Variants in CHD8 observed in about 807,000 individuals in gnomAD.
CHD8 encodes chromodomain helicase DNA binding protein 8, also known as ATP-dependent chromatin remodeler CHD8.
In CHD8, 31 loss-of-function variants were observed where a neutral mutation model predicts 279.2. The ratio of observed to expected loss-of-function variants is 0.11; its 90% CI spans 0.08 to 0.15. The LOEUF is 0.15. Ranked by LOEUF, CHD8 falls within the 10% of genes least tolerant of loss-of-function variation. The pLI is 1.00. For synonymous variants in CHD8, 1,081 were observed against 1,139.6 expected (o/e 0.95, Z 1.04); for missense variants, 2,146 against 3,230.5 (o/e 0.66, Z 8.14).
In CHD8 at chr14:21,385,649, T is replaced by A. The variant is rs1319598351; in HGVS notation, c.7710A>T (p.Pro2570=). 3.2e-6 allele frequency: 5 copies of A among 1,551,934 alleles called. No individual in the cohort carries two copies. The change falls in exon 38 of 38, where the codon CCA becomes CCT. Residue 2570 remains proline (P), a synonymous_variant. Transcript: ENST00000646647. ...DFSLIDDPMM[P]ANSDSSEDAD... ...CATCTTCACTGGAGTCTGAGTTAGC[T>A]GGCATCATAGGATCATCAATGAGTG...
chr14:21,453,579 G>A (rs1360377934), intron 1 of CHD8, among the ~76,000 whole-genome samples: 7 of 151,880 alleles, frequency 4.6e-5, no homozygotes, highest in Admixed American at 2.0e-4. Flanking sequence ...CAGGTCATGC[G>A]AAGACCTGCA....
chr14:21,434,491 A>AT (rs33999210), intron 1 of CHD8, among the ~76,000 whole-genome samples: 203 of 145,214 alleles, frequency 1.4e-3, no homozygotes, highest in African/African-American at 3.5e-3. Flanking sequence ...TTAGGCCCAG[A>AT]TTTTTTTTTT....
chr14:21,447,495 C>T (rs1890156176), intron 1 of CHD8, among the ~76,000 whole-genome samples: 1 of 151,984 alleles, frequency 6.6e-6, no homozygotes, highest in Non-Finnish European at 1.5e-5. Context: ...CTTCAGCCTC[C>T]TGAGTAGCTG....
chr14:21,415,544 A>T (rs1888683788), intron 7 of CHD8, 30 bp downstream of exon 7: 2 of 1,018,824 alleles, frequency 2.0e-6, no homozygotes, highest in Non-Finnish European at 1.3e-6. Flanking sequence ...TAAATAAATA[A>T]AAATAATAAT....
At chr14:21,442,363 G>A (rs1412172743) in intron 1 of CHD8, among the ~76,000 whole-genome samples, 2 of 152,166 alleles carry the variant, frequency 1.3e-5, no homozygotes, top group Non-Finnish European at 1.5e-5. Flanking sequence ...TGCTTTCAGG[G>A]CTGAGGCAGG....
At chr14:21,442,074 G>A (rs1384187801) in intron 1 of CHD8, among the ~76,000 whole-genome samples, 2 of 152,184 alleles carry the variant, frequency 1.3e-5, no homozygotes, top group Non-Finnish European at 1.5e-5. Flanking sequence ...AATGTGAAGA[G>A]CAGGTCAAGG....
At position 21,402,288 on chromosome 14, in the gene CHD8, T is replaced by C. The variant is rs1322946574; in HGVS notation, c.3882+48A>G. On this transcript the variant is annotated intron_variant, in intron 19 of 37. Transcript: ENST00000646647. This position sits in a 1 kb window ranked among gnomAD's most constrained non-coding sequence, Gnocchi z 4.5. The stretch of plus-strand genomic sequence containing the variant: ...TGTACAAATAGCTTTTGTTTCCCTC[T>C]ATCACAATGATCTACTACAAACTTA... 5 of 1,600,266 alleles carry C rather than the reference T, an allele frequency of 3.1e-6. No individual in the cohort carries two copies. Among genetic ancestry groups the C allele is most frequent in the South Asian group, 1.1e-5 (1 of 90,784 alleles).
At position 21,395,064 on chromosome 14, in the gene CHD8, T is replaced by C. The variant is rs769651644; in HGVS notation, c.5238A>G (p.Thr1746=). Residue 1746 remains threonine (T), a synonymous_variant, in exon 30 of 38, where the codon ACA becomes ACG. Coordinates refer to ENST00000646647, the MANE Select transcript of CHD8 (RefSeq NM_001170629.2). ...HLFWPPGSAL[T]ARLRRLVTAY... is the part of the protein sequence containing the mutation. ...CTGTTACTAGACGCCGAAGCCTAGCTGTTAGGGCAGAGCCCGGAGGCCAGA... is the reference window on the plus strand; with the variant it reads ...CTGTTACTAGACGCCGAAGCCTAGCCGTTAGGGCAGAGCCCGGAGGCCAGA... 13 of 1,613,908 alleles carry C rather than the reference T, an allele frequency of 8.1e-6. No individual in the cohort carries two copies.
chr14:21,394,730 T>C, intron 30 of CHD8, 182 bp downstream of exon 30: 1 of 658,400 alleles, frequency 1.5e-6, no homozygotes. Context: ...ACAGGAGACC[T>C]ACCTGAGAGT....
chr14:21,392,573 C>T lies in CHD8; in HGVS notation c.6705G>A (p.Ala2235=), dbSNP rs1318397540. 7.4e-6 allele frequency: 12 copies of T among 1,613,500 alleles called. No individual in the cohort carries two copies. Among genetic ancestry groups the T allele is most frequent in the Non-Finnish European group, 1.0e-5 (12 of 1,179,894 alleles). Residue 2235 remains alanine (A), a synonymous_variant, in exon 34 of 38, where the codon GCG becomes GCA. Coordinates refer to ENST00000646647, the MANE Select transcript of CHD8 (RefSeq NM_001170629.2). Reference sequence around the variant, plus strand: ...GGCGAAGTTTGGTGAACTGGGCTGCCGCTGTGCTGACTGCAGATGCTTCCT... The same window carrying T: ...GGCGAAGTTTGGTGAACTGGGCTGCTGCTGTGCTGACTGCAGATGCTTCCT... ...AEEEASAVST[A]AAQFTKLRRG...
chr14:21,397,729 T>C, intron 27 of CHD8, 94 bp downstream of exon 27: 1 of 1,304,718 alleles, frequency 7.7e-7, no homozygotes, highest in Non-Finnish European at 1.1e-6. Context: ...CTTTTGAGTA[T>C]AATTACAATT....
intron 5 of CHD8, 73 bp downstream of exon 5, chr14:21,426,055 C>A: frequency 1.1e-6 from 1 of 890,884 alleles, no homozygotes; most frequent in Non-Finnish European, 1.8e-6. Flanking sequence ...TACGATTTCT[C>A]AATATCTGCT....
chr14:21,391,604 A>G lies in CHD8; in HGVS notation c.6924T>C (p.Asp2308=). The G allele has an allele frequency of 1.2e-6, 2 of 1,609,668 alleles. No individual in the cohort carries two copies. Among genetic ancestry groups the G allele is most frequent in the Non-Finnish European group, 1.7e-6 (2 of 1,177,822 alleles). ...VECMEEPNHL[D]VDLETRIPVI... The stretch of plus-strand genomic sequence containing the variant: ...CAGGGATCCGGGTCTCCAGGTCCAC[A>G]TCAAGGTGATTAGGCTCTTCCATGC... The change falls in exon 36 of 38, where the codon GAT becomes GAC. Residue 2308 remains aspartate, a synonymous_variant. Coordinates refer to ENST00000646647, the MANE Select transcript of CHD8 (RefSeq NM_001170629.2).
In CHD8 at chr14:21,440,497, G is replaced by A. The variant is rs139472065; in HGVS notation, c.-215-8639C>T. On this transcript the variant is annotated intron_variant, in intron 1 of 37. Coordinates refer to ENST00000646647, the MANE Select transcript of CHD8 (RefSeq NM_001170629.2). ...GCTGAGATTACAGGTGTGAGCCACC[G>A]CATCCAGCCAAGAAAATAGTTTCTT... 3.0e-3 allele frequency among the ~76,000 whole-genome samples: 453 copies of A among 152,212 alleles called. 3 individuals carry two copies. The highest frequency in any genetic ancestry group is 0.01 in the African/African-American group (423 of 41,530).
chr14:21,418,677 G>T (rs147331767), intron 5 of CHD8, among the ~76,000 whole-genome samples: 1 of 152,086 alleles, frequency 6.6e-6, no homozygotes, highest in Non-Finnish European at 1.5e-5. Context: ...TTAGCTGGGC[G>T]TGGTGGCAGG....
chr14:21,386,195 A>T lies in CHD8; in HGVS notation c.7183-19T>A. 1.3e-6 allele frequency: 2 copies of T among 1,530,472 alleles called. No individual in the cohort carries two copies. The highest frequency in any genetic ancestry group is 1.8e-6 in the Non-Finnish European group (2 of 1,137,252). The allele number at this position is 1,530,472 out of a possible 1,614,324, so 94.8% of individuals were successfully genotyped here. A position where few individuals can be genotyped will look rare whatever the true frequency, so the allele number is the denominator to read the frequency against. On this transcript the variant is annotated intron_variant, in intron 37 of 37. Coordinates refer to ENST00000646647, the MANE Select transcript of CHD8 (RefSeq NM_001170629.2). ...GATGACCCTAGGAGGAGGGAATAGA[A>T]GATAATAAAAAGAAAGAAAGGGGAA...
At position 21,399,695 on chromosome 14, in the gene CHD8, T is replaced by C; in HGVS notation, c.4828A>G (p.Ile1610Val). The C allele has an allele frequency of 1.2e-6, 2 of 1,610,988 alleles. No individual in the cohort carries two copies. The highest frequency in any genetic ancestry group is 1.7e-6 in the Non-Finnish European group (2 of 1,177,222). Residue 1610 changes from isoleucine (I) to valine (V), a missense_variant, in exon 26 of 38, where the codon ATA (isoleucine) becomes GTA (valine). Physicochemically the swap from Ile to Val is conservative, Grantham distance 29. Transcript: ENST00000646647. Reference protein sequence around the residue: ...LGGAIASEIDIWFPVVDQLEV... With the variant: ...LGGAIASEIDVWFPVVDQLEV... ...AGTTGATCCACTACTGGGAACCATA[T>C]GTCAATCTCACTAAAGGTATAAGAG...
At chr14:21,452,311 A>T (rs1045681161) in intron 1 of CHD8, among the ~76,000 whole-genome samples, 4 of 149,258 alleles carry the variant, frequency 2.7e-5, no homozygotes, top group Non-Finnish European at 5.9e-5. Flanking sequence ...CACTGCACCC[A>T]GCCAGAATGC....
chr14:21,401,387 A>C lies in CHD8; in HGVS notation c.4173+16T>G. 1 of 1,498,144 alleles carries C rather than the reference A, an allele frequency of 6.7e-7. No individual in the cohort carries two copies. Among genetic ancestry groups the C allele is most frequent in the Non-Finnish European group, 9.1e-7 (1 of 1,103,404 alleles). 92.8% of individuals were successfully genotyped at this position (1,498,144 alleles called of 1,614,324 possible). On this transcript the variant is annotated intron_variant, in intron 21 of 37. Coordinates refer to ENST00000646647, the MANE Select transcript of CHD8 (RefSeq NM_001170629.2). ...TGGTCTTCTGCGATACTTCCTCCCT[A>C]AAAGAAGAAACTCACCTTGCTGTTG...
Sources: allele counts gnomAD v4.1 joint callset (sites outside exome capture counted in the v4.1 genomes callset), GRCh38; gene constraint gnomAD v4.1.1; non-coding constraint Gnocchi (gnomAD v3.1); transcripts MANE v1.5; gene names NCBI Gene and HGNC (gene_info 2026-07-23, HGNC 2026-07-21).